The following CDH13 variants were observed in gnomAD, a reference collection of about 807,000 sequenced individuals.
CDH13 encodes cadherin-13.
In CDH13, 24 loss-of-function variants were observed where a neutral mutation model predicts 63.8. The observed-to-expected ratio is 0.38, with a 90% CI of 0.27 to 0.53. The LOEUF is 0.53. CDH13 is among the 20% of genes least tolerant of loss of function. The pLI, the probability that CDH13 is intolerant of heterozygous loss-of-function variation, is 0.85. For missense variants in CDH13, 1,049 were observed against 903.1 expected, an observed-to-expected ratio of 1.16 and a Z score of -2.07; for synonymous variants, 503 against 355.3, an observed-to-expected ratio of 1.42 and a Z score of -4.67.
At chr16:82,986,289 G>A (rs1175313851) in intron 2 of CDH13, among the ~76,000 whole-genome samples, 1 of 152,148 alleles carries the variant, frequency 6.6e-6, no homozygotes, top group Non-Finnish European at 1.5e-5. Context: ...CCCAGAACTG[G>A]CTCATGTGGA....
intron 2 of CDH13, among the ~76,000 whole-genome samples, chr16:82,923,287 T>G (rs2042211454): frequency 6.6e-6 from 1 of 152,230 alleles, no homozygotes; most frequent in Non-Finnish European, 1.5e-5. Flanking sequence ...TTGATGAACA[T>G]TTGTTCCATG....
chr16:82,661,201 C>G (rs762853331), intron 1 of CDH13, among the ~76,000 whole-genome samples: 18 of 152,196 alleles, frequency 1.2e-4, no homozygotes, highest in Non-Finnish European at 1.0e-4. Context: ...GTGAGGTTGG[C>G]TTCAAGCTCT....
At chr16:83,460,500 T>C (rs1336810138) in intron 6 of CDH13, among the ~76,000 whole-genome samples, 1 of 152,196 alleles carries the variant, frequency 6.6e-6, no homozygotes, top group Non-Finnish European at 1.5e-5. Context: ...CATAGCTCCG[T>C]ACCCGGCAGT....
At chr16:83,003,992 G>C (rs977043072) in intron 2 of CDH13, among the ~76,000 whole-genome samples, 2 of 152,196 alleles carry the variant, frequency 1.3e-5, no homozygotes, top group Non-Finnish European at 2.9e-5. Flanking sequence ...AGAGGTAGGA[G>C]AATCAAGACA....
At chr16:82,768,994 A>T (rs1597514081) in intron 1 of CDH13, among the ~76,000 whole-genome samples, 1 of 152,232 alleles carries the variant, frequency 6.6e-6, no homozygotes, top group South Asian at 2.1e-4. Flanking sequence ...CTCTGATTAA[A>T]AAGACAGCTG....
intron 4 of CDH13, among the ~76,000 whole-genome samples, chr16:83,185,570 C>G (rs1393189790): frequency 6.6e-6 from 1 of 152,188 alleles, no homozygotes; most frequent in African/African-American, 2.4e-5. Flanking sequence ...ATTTTTCATA[C>G]TTGAACAGTA....
intron 8 of CDH13, among the ~76,000 whole-genome samples, chr16:83,646,330 C>G (rs1329421622): frequency 6.6e-6 from 1 of 152,174 alleles, no homozygotes; most frequent in East Asian, 1.9e-4. Flanking sequence ...TGTATGTAAT[C>G]GTTAGCTGTG....
At chr16:83,794,908 G>A in intron 13 of CDH13, 115 bp from the exon 14 acceptor site, 1 of 921,854 alleles carries the variant, frequency 1.1e-6, no homozygotes, top group Admixed American at 2.0e-5. Context: ...CCATAGTCGT[G>A]TGATGTTTAA....
intron 6 of CDH13, among the ~76,000 whole-genome samples, chr16:83,417,717 G>C (rs1481639780): frequency 1.3e-5 from 2 of 152,138 alleles, no homozygotes; most frequent in African/African-American, 4.8e-5. Flanking sequence ...AAGCAGACAG[G>C]CTGTAGAGAT....
chr16:82,712,875 G>A (rs982952393), intron 1 of CDH13, among the ~76,000 whole-genome samples: 1 of 151,924 alleles, frequency 6.6e-6, no homozygotes, highest in Non-Finnish European at 1.5e-5. Context: ...GCTCTCTGGG[G>A]GCCACTCTCA....
intron 5 of CDH13, among the ~76,000 whole-genome samples, chr16:83,223,223 G>A (rs7185268): frequency 0.22 from 33,733 of 152,190 alleles, 4,375 homozygotes; most frequent in African/African-American, 0.36. Context: ...TAGGTTTGGT[G>A]TCTTGTAAGG....
At chr16:83,160,613 C>T (rs11647779) in intron 4 of CDH13, among the ~76,000 whole-genome samples, 2,299 of 152,294 alleles carry the variant, frequency 0.015, 28 homozygotes, top group Non-Finnish European at 0.025. Flanking sequence ...ACAGTGATAA[C>T]CACCACTAAT....
At chr16:82,704,855 A>C (rs1047346856) in intron 1 of CDH13, among the ~76,000 whole-genome samples, 2 of 152,256 alleles carry the variant, frequency 1.3e-5, no homozygotes, top group African/African-American at 4.8e-5. Context: ...AGGATAATGC[A>C]TGAACCATGC....
chr16:82,687,921 C>T (rs1225766529), intron 1 of CDH13, among the ~76,000 whole-genome samples: 1 of 152,232 alleles, frequency 6.6e-6, no homozygotes, highest in East Asian at 1.9e-4. Flanking sequence ...CAAGGCACCT[C>T]CTTGGACTCA....
At chr16:82,915,019 A>C (rs1450466763) in intron 2 of CDH13, among the ~76,000 whole-genome samples, 1 of 152,234 alleles carries the variant, frequency 6.6e-6, no homozygotes, top group African/African-American at 2.4e-5. Flanking sequence ...CACGATGTGC[A>C]GTGGTCTAAA....
intron 1 of CDH13, among the ~76,000 whole-genome samples, chr16:82,628,086 A>G (rs1036475708): frequency 2.6e-5 from 4 of 152,220 alleles, no homozygotes; most frequent in Non-Finnish European, 5.9e-5. Flanking sequence ...AGTGCAGGAA[A>G]GCAGCGCTCC....
intron 6 of CDH13, among the ~76,000 whole-genome samples, chr16:83,467,810 A>C (rs1447993036): frequency 6.6e-6 from 1 of 152,126 alleles, no homozygotes; most frequent in Non-Finnish European, 1.5e-5. Flanking sequence ...CACTAACCAA[A>C]CAAGGACAAT....
intron 1 of CDH13, chr16:82,823,938 A>T (rs1318433209): frequency 6.6e-6 from 1 of 152,222 alleles, no homozygotes; most frequent in African/African-American, 2.4e-5. Flanking sequence ...CAATAGCAAT[A>T]AACTTCCTTA....
chr16:83,587,041 T>G (rs796744254), intron 7 of CDH13, among the ~76,000 whole-genome samples: 2 of 152,240 alleles, frequency 1.3e-5, no homozygotes, highest in African/African-American at 4.8e-5. Context: ...TGGGCTCCTT[T>G]CGTTTCTAAA....
Sources: gnomAD v4.1 joint callset for allele counts (sites outside exome capture counted in the v4.1 genomes callset) on GRCh38, gnomAD v4.1.1 for gene constraint, MANE v1.5 for transcripts, NCBI Gene and HGNC (gene_info 2026-07-23, HGNC 2026-07-21) for gene names.